MGAM2: variants seen among roughly 807,000 people sequenced by gnomAD.
The protein encoded by MGAM2 is maltase-glucoamylase 2 (putative).
Under a neutral mutation model 96.1 loss-of-function variants are expected in MGAM2, and 98 were observed. That is an observed-to-expected ratio of 1.02 (90% confidence interval 0.87 to 1.21). MGAM2 has a LOEUF of 1.21. Ranked by LOEUF, MGAM2 falls within the 50% of genes most tolerant of loss-of-function variation. MGAM2 has a pLI of 0.00. For synonymous variants in MGAM2, 749 were observed against 414.8 expected, an observed-to-expected ratio of 1.81 and a Z score of -9.79; for missense variants, 2,055 against 1,182.4, an observed-to-expected ratio of 1.74 and a Z score of -10.82.
intron 15 of MGAM2, among the ~76,000 whole-genome samples, chr7:142,152,233 A>G (rs77447549): frequency 0.046 from 7,021 of 151,528 alleles, 231 homozygotes; most frequent in Non-Finnish European, 0.068. Context: ...GCCTGCCTCT[A>G]AATAAACTGG....
Position 142,221,443 on chromosome 7 carries a change from T to G in MGAM2, c.6932T>G (p.Ile2311Ser), listed in dbSNP as rs1200791774. The G allele has an allele frequency of 6.9e-6, 4 of 579,820 alleles. No individual in the cohort carries two copies. Among genetic ancestry groups the G allele is most frequent in the Non-Finnish European group, 1.2e-5 (4 of 327,426 alleles). 35.9% of individuals were successfully genotyped at this position (579,820 alleles called of 1,614,324 possible). A position where few individuals can be genotyped will look rare whatever the true frequency, so the allele number is the denominator to read the frequency against. ...ACTCTTACTTCTATTCCTAGCTCTA[T>G]TACTTCTATTTTGAGCATGTTTCCA... ...THTLTSIPSS[I>S]TSILSMFPTS... The change falls in exon 48 of 48, where the codon ATT becomes AGT. Residue 2311 changes from isoleucine (I) to serine (S), a missense_variant. Transcript: ENST00000477922.
At chr7:142,153,764 G>A (rs920910248) in intron 15 of MGAM2, among the ~76,000 whole-genome samples, 11 of 152,182 alleles carry the variant, frequency 7.2e-5, no homozygotes, top group African/African-American at 1.4e-4. Context: ...AAACAAAATC[G>A]GGGAACGGAA....
intron 7 of MGAM2, among the ~76,000 whole-genome samples, chr7:142,135,712 G>A (rs1299320186): frequency 9.6e-6 from 1 of 104,596 alleles, no homozygotes; most frequent in Non-Finnish European, 2.0e-5. Context: ...TATTCTTACA[G>A]CACTTAGAGT....
At chr7:142,117,399 G>T (rs66758564) in intron 2 of MGAM2, among the ~76,000 whole-genome samples, 6,908 of 152,226 alleles carry the variant, frequency 0.045, 178 homozygotes, top group Middle Eastern at 0.099. Context: ...AACATACATA[G>T]CTATAGTTTC....
Position 142,199,927 on chromosome 7 carries a change from C to G in MGAM2, c.5096C>G (p.Thr1699Arg). 1 of 689,682 alleles carries G rather than the reference C, an allele frequency of 1.4e-6. No individual in the cohort carries two copies. Among genetic ancestry groups the G allele is most frequent in the Non-Finnish European group, 2.6e-6 (1 of 379,356 alleles). The allele number at this position is 689,682 out of a possible 1,614,324, so 42.7% of individuals were successfully genotyped here. ...ATTGTTGCTTTGGATGACAATGGGACAGCTGAAGGCCAGGTGTTCTGGGAT... is the reference window on the plus strand; with the variant it reads ...ATTGTTGCTTTGGATGACAATGGGAGAGCTGAAGGCCAGGTGTTCTGGGAT... ...GLIVALDDNG[T>R]AEGQVFWDDG... The change falls in exon 45 of 48, where the codon ACA becomes AGA. Residue 1699 changes from threonine (T) to arginine (R), a missense_variant. Coordinates refer to ENST00000477922, the MANE Select transcript of MGAM2 (RefSeq NM_001293626.2).
intron 24 of MGAM2, 131 bp downstream of exon 24, chr7:142,165,154 A>G (rs1795994421): frequency 1.9e-6 from 1 of 515,410 alleles, no homozygotes. Flanking sequence ...CATCACAGAA[A>G]GGATGCAGGA....
Position 142,148,695 on chromosome 7 carries a change from G to A in MGAM2, c.1634+1122G>A, listed in dbSNP as rs1795462600. Among the ~76,000 whole-genome samples the A allele has an allele frequency of 2.0e-5, 3 of 152,196 alleles. No individual in the cohort carries two copies. In the South Asian group the frequency reaches 6.2e-4, roughly 32 times the overall value. ...TTTAATTTGAATTTGCAGCACAGAT[G>A]CGGAAACTAAAGAGCTGCTGTGGAT... On this transcript the variant is annotated intron_variant, in intron 15 of 47. Coordinates refer to ENST00000477922, the MANE Select transcript of MGAM2 (RefSeq NM_001293626.2). This position sits in a 1 kb window ranked among gnomAD's most constrained non-coding sequence, Gnocchi z 4.2.
intron 3 of MGAM2, among the ~76,000 whole-genome samples, chr7:142,122,498 T>C (rs966593709): frequency 1.3e-5 from 2 of 152,258 alleles, no homozygotes; most frequent in Non-Finnish European, 2.9e-5. Context: ...CAGAAAGTTA[T>C]CTTATGACAT....
chr7:142,136,441 G>T, intron 7 of MGAM2, 100 bp from the exon 8 acceptor site: 1 of 471,970 alleles, frequency 2.1e-6, no homozygotes, highest in South Asian at 4.5e-5. Context: ...ATGAAGTGTT[G>T]ACCAAGTATA....
At position 142,164,841 on chromosome 7, in the gene MGAM2, T is replaced by G; in HGVS notation, c.2485-15T>G. 1.5e-6 allele frequency: 1 copy of G among 675,946 alleles called. No individual in the cohort carries two copies. Among genetic ancestry groups the G allele is most frequent in the Non-Finnish European group, 2.7e-6 (1 of 374,538 alleles). 41.9% of individuals were successfully genotyped at this position (675,946 alleles called of 1,614,324 possible). A position where few individuals can be genotyped will look rare whatever the true frequency, so the allele number is the denominator to read the frequency against. On this transcript the variant is annotated splice_polypyrimidine_tract_variant and intron_variant, in intron 23 of 47. Coordinates refer to ENST00000477922, the MANE Select transcript of MGAM2 (RefSeq NM_001293626.2). Reference sequence around the variant, plus strand: ...AGTACCTGGTTTCCAATCTGACTTTTTTTTCCCCTCCCAGAACCATCTACA... The same window carrying G: ...AGTACCTGGTTTCCAATCTGACTTTGTTTTCCCCTCCCAGAACCATCTACA...
Position 142,133,728 on chromosome 7 carries a change from A to G in MGAM2, c.576-253A>G, listed in dbSNP as rs930129607. 3.3e-5 allele frequency among the ~76,000 whole-genome samples: 5 copies of G among 152,184 alleles called. No individual in the cohort carries two copies. In the East Asian group the frequency reaches 7.7e-4, roughly 23 times the overall value. ...GGTGCCTGGTATGTAGTAGATGCACATTAAACATGAAGTCAACTCTGCTCT... is the reference window on the plus strand; with the variant it reads ...GGTGCCTGGTATGTAGTAGATGCACGTTAAACATGAAGTCAACTCTGCTCT... On this transcript the variant is annotated intron_variant, in intron 6 of 47. Transcript: ENST00000477922.
chr7:142,164,721 T>C (rs938974359), intron 23 of MGAM2, 135 bp from the exon 24 acceptor site: 3 of 525,490 alleles, frequency 5.7e-6, no homozygotes, highest in Non-Finnish European at 3.3e-6. Flanking sequence ...CTAGGGATGA[T>C]GACCTAGCAA....
At position 142,220,208 on chromosome 7, in the gene MGAM2, C is replaced by A. The variant is rs566994834; in HGVS notation, c.5697C>A (p.Ile1899=). ...TNASTNATVP[I]TTTPFPTSTI... ...CTAGCACTAATGCTACTGTTCCTAT[C>A]ACAACCACACCTTTCCCAACAAGTA... Residue 1899 remains isoleucine, a synonymous_variant, in exon 48 of 48, where the codon ATC becomes ATA. Coordinates refer to ENST00000477922, the MANE Select transcript of MGAM2 (RefSeq NM_001293626.2). 11 of 702,400 alleles carry A rather than the reference C, an allele frequency of 1.6e-5. No individual in the cohort carries two copies. In the East Asian group the frequency reaches 2.7e-4, roughly 17 times the overall value. The allele number at this position is 702,400 out of a possible 1,614,324, so 43.5% of individuals were successfully genotyped here. A position where few individuals can be genotyped will look rare whatever the true frequency, so the allele number is the denominator to read the frequency against.
At chr7:142,207,311 T>G (rs1797432534) in intron 45 of MGAM2, among the ~76,000 whole-genome samples, 1 of 152,162 alleles carries the variant, frequency 6.6e-6, no homozygotes, top group African/African-American at 2.4e-5. Context: ...AGGGTCAGAT[T>G]CCATGGAAAA....
In MGAM2 at chr7:142,132,030, G is replaced by A. The variant is rs1794905052; in HGVS notation, c.520G>A (p.Val174Ile). 1 of 703,160 alleles carries A rather than the reference G, an allele frequency of 1.4e-6. No individual in the cohort carries two copies. The allele number at this position is 703,160 out of a possible 1,614,324, so 43.6% of individuals were successfully genotyped here. The change falls in exon 6 of 48, where the codon GTT (valine) becomes ATT (isoleucine). Residue 174 changes from valine (V) to isoleucine (I), a missense_variant. Physicochemically the swap from Val to Ile is conservative, Grantham distance 29 (BLOSUM62 3). Transcript: ENST00000477922. ...CTCCAATTTGAGCTATTACGTGGAG[G>A]TTACTGATAAACCTTTCAGCATCAA... The part of the protein sequence containing the change: ...DASNLSYYVE[V>I]TDKPFSIKIM...
At chr7:142,165,758 G>A (rs114478270) in intron 24 of MGAM2, among the ~76,000 whole-genome samples, 32 of 152,232 alleles carry the variant, frequency 2.1e-4, no homozygotes, top group Non-Finnish European at 3.5e-4. Flanking sequence ...ACAGTGCTTG[G>A]CTTGTATGAA....
chr7:142,143,802 A>G lies in MGAM2; in HGVS notation c.1351A>G (p.Thr451Ala), dbSNP rs966284406. 11 of 692,122 alleles carry G rather than the reference A, an allele frequency of 1.6e-5. No individual in the cohort carries two copies. In the African/African-American group the frequency reaches 1.9e-4, roughly 12 times the overall value. 42.9% of individuals were successfully genotyped at this position (692,122 alleles called of 1,614,324 possible). Residue 451 changes from threonine to alanine, a missense_variant, in exon 13 of 48, where the codon ACC becomes GCC. Thr to Ala is a moderately conservative substitution (Grantham distance 58, BLOSUM62 0). Transcript: ENST00000477922. The part of the protein sequence containing the change: ...YPGPTVFPDY[T>A]NPVCTEWWTD... ...GGGACCGACAGTCTTTCCCGATTATACCAATCCAGTATGCACTGAGTGGTG... is the reference window on the plus strand; with the variant it reads ...GGGACCGACAGTCTTTCCCGATTATGCCAATCCAGTATGCACTGAGTGGTG...
chr7:142,163,935 A>C (rs1019491397), intron 23 of MGAM2, among the ~76,000 whole-genome samples: 1 of 151,876 alleles, frequency 6.6e-6, no homozygotes, highest in African/African-American at 2.4e-5. Flanking sequence ...TTCCTTATAG[A>C]TTGTGCTTTT....
intron 10 of MGAM2, among the ~76,000 whole-genome samples, chr7:142,139,493 T>C (rs570604092): frequency 6.6e-6 from 1 of 151,944 alleles, no homozygotes; most frequent in Non-Finnish European, 1.5e-5. Flanking sequence ...ACCCCGTCTC[T>C]ATTAAAAATA....
Sources: gnomAD v4.1 joint callset for allele counts (sites outside exome capture counted in the v4.1 genomes callset) on GRCh38, gnomAD v4.1.1 for gene constraint, Gnocchi (gnomAD v3.1) non-coding constraint, MANE v1.5 for transcripts, NCBI Gene and HGNC (gene_info 2026-07-23, HGNC 2026-07-21) for gene names.